Variants in RELT observed in about 807,000 individuals in gnomAD.
RELT encodes RELT TNF receptor.
A neutral mutation model predicts 51.1 loss-of-function variants in RELT; 37 were observed. The ratio of observed to expected loss-of-function variants is 0.72; its 90% CI spans 0.56 to 0.95. The LOEUF (loss-of-function observed/expected upper bound fraction) is 0.95. RELT is among the 40% of genes least tolerant of loss of function. The pLI is 0.00. For synonymous variants in RELT, 241 were observed against 235.7 expected (o/e 1.02, Z -0.21); for missense variants, 535 against 572.6 (o/e 0.93, Z 0.67).
At position 73,395,192 on chromosome 11, in the gene RELT, A is replaced by C. The variant is rs11544311; in HGVS notation, c.1152A>C (p.Pro384=). 0.097 allele frequency: 156,996 copies of C among 1,612,834 alleles called. 8,752 individuals are homozygous for C. The highest frequency in any genetic ancestry group is 0.11 in the Non-Finnish European group (128,807 of 1,179,608). ...CGTGGGGTGATCTCCCTGACTCCCC[A>C]CAGCCTGGCCTCCCCCCTGAGCAGC... The part of the protein sequence containing the change: ...GPSWGDLPDS[P]QPGLPPEQQA... The change falls in exon 10 of 11, where the codon CCA becomes CCC. Residue 384 remains proline, a synonymous_variant. Transcript: ENST00000064780.
intron 1 of RELT, among the ~76,000 whole-genome samples, chr11:73,378,496 G>A (rs1031810340): frequency 6.6e-6 from 1 of 152,204 alleles, no homozygotes; most frequent in African/African-American, 2.4e-5. Context: ...AGGTCATACA[G>A]AGTCAGGACA....
At chr11:73,377,469 G>A (rs1408358206) in intron 1 of RELT, among the ~76,000 whole-genome samples, 1 of 152,098 alleles carries the variant, frequency 6.6e-6, no homozygotes, top group Non-Finnish European at 1.5e-5. Context: ...TGGACCCTGA[G>A]GGATAGGCCC....
At chr11:73,391,602 G>A (rs57032184) in intron 5 of RELT, among the ~76,000 whole-genome samples, 242 of 152,238 alleles carry the variant, frequency 1.6e-3, no homozygotes, top group African/African-American at 5.7e-3. Context: ...AGACCAGCTT[G>A]GGCAACATAG....
At chr11:73,386,984 C>T (rs1360084292) in intron 1 of RELT, among the ~76,000 whole-genome samples, 10 of 147,524 alleles carry the variant, frequency 6.8e-5, no homozygotes, top group South Asian at 2.1e-4. Flanking sequence ...CTTGCTCTGT[C>T]GCCCAGGCTG....
At position 73,394,623 on chromosome 11, in the gene RELT, C is replaced by T; in HGVS notation, c.935C>T (p.Ala312Val). 6.2e-7 allele frequency: 1 copy of T among 1,613,406 alleles called. No homozygotes were observed. Among genetic ancestry groups the T allele is most frequent in the Non-Finnish European group, 8.5e-7 (1 of 1,180,006 alleles). The change falls in exon 9 of 11, where the codon GCT becomes GTT. Residue 312 changes from alanine to valine, a missense_variant. Transcript: ENST00000064780. The surrounding 1 kb of genome is among the most constrained non-coding windows in gnomAD (Gnocchi z 4.9). ...CCCGAGGTGCTGCTGTCCCCTGAGGCTGTAGCCGCCACTACTCCTGTTCCC... is the reference window on the plus strand; with the variant it reads ...CCCGAGGTGCTGCTGTCCCCTGAGGTTGTAGCCGCCACTACTCCTGTTCCC... ...KWPEVLLSPE[A>V]VAATTPVPSL...
chr11:73,380,384 C>T (rs1022466892), intron 1 of RELT, among the ~76,000 whole-genome samples: 1 of 152,184 alleles, frequency 6.6e-6, no homozygotes, highest in Non-Finnish European at 1.5e-5. Flanking sequence ...TAGTGCTTGT[C>T]ATGGTCCTCG....
intron 1 of RELT, among the ~76,000 whole-genome samples, chr11:73,383,013 C>T (rs1339781709): frequency 6.6e-6 from 1 of 152,190 alleles, no homozygotes; most frequent in Admixed American, 6.5e-5. Flanking sequence ...ACCTGAGCCA[C>T]TGAAACCCAG....
chr11:73,385,463 C>T (rs987355045), intron 1 of RELT, among the ~76,000 whole-genome samples: 1 of 152,116 alleles, frequency 6.6e-6, no homozygotes, highest in Non-Finnish European at 1.5e-5. Context: ...TCTCATTGTT[C>T]GGGCATTTTT....
chr11:73,395,878 C>T lies in RELT; in HGVS notation c.*387C>T, dbSNP rs1052745102. ...CCCATTCCTTGGTAATTAGCCACAC[C>T]CTTGCCTCTGTACAGGGCCCTAGAG... On this transcript the variant is annotated 3_prime_UTR_variant, in exon 11 of 11. Transcript: ENST00000064780. The T allele has an allele frequency of 6.1e-6, 2 of 329,974 alleles. No homozygotes were observed. The highest frequency in any genetic ancestry group is 4.4e-5 in the Admixed American group (1 of 22,866). The allele number at this position is 329,974 out of a possible 1,614,324, so 20.4% of individuals were successfully genotyped here. A position where few individuals can be genotyped will look rare whatever the true frequency, so the allele number is the denominator to read the frequency against.
At position 73,394,617 on chromosome 11, in the gene RELT, C is replaced by G. The variant is rs1565224497; in HGVS notation, c.929C>G (p.Pro310Arg). The G allele has an allele frequency of 6.2e-7, 1 of 1,613,448 alleles. No individual in the cohort carries two copies. Among genetic ancestry groups the G allele is most frequent in the Non-Finnish European group, 8.5e-7 (1 of 1,180,016 alleles). ...AAGTGGCCCGAGGTGCTGCTGTCCCCTGAGGCTGTAGCCGCCACTACTCCT... is the reference window on the plus strand; with the variant it reads ...AAGTGGCCCGAGGTGCTGCTGTCCCGTGAGGCTGTAGCCGCCACTACTCCT... The part of the protein sequence containing the change: ...QKKWPEVLLS[P>R]EAVAATTPVP... Residue 310 changes from proline to arginine, a missense_variant, in exon 9 of 11, where the codon CCT (proline) becomes CGT (arginine). Coordinates refer to ENST00000064780, the MANE Select transcript of RELT (RefSeq NM_152222.2). The surrounding 1 kb of genome is among the most constrained non-coding windows in gnomAD (Gnocchi z 4.9).
chr11:73,381,355 A>G (rs1866047613), intron 1 of RELT, among the ~76,000 whole-genome samples: 1 of 152,124 alleles, frequency 6.6e-6, no homozygotes, highest in African/African-American at 2.4e-5. Context: ...AGCCCAGTGC[A>G]TGCACTGTGA....
chr11:73,392,399 C>T lies in RELT; in HGVS notation c.556C>T (p.Leu186Phe), dbSNP rs545396306. 49 of 1,613,782 alleles carry T rather than the reference C, an allele frequency of 3.0e-5. No individual in the cohort carries two copies. The South Asian group carries it at 4.9e-4, about 16-fold the overall frequency. ...GLLGILVCNL[L>F]KRKGYHCTAH... Reference sequence around the variant, plus strand: ...GTTGGGCATCCTGGTGTGCAACCTCCTCAAGCGGAAGGGCTACCACTGCAC... The same window carrying T: ...GTTGGGCATCCTGGTGTGCAACCTCTTCAAGCGGAAGGGCTACCACTGCAC... Residue 186 changes from leucine (L) to phenylalanine (F), a missense_variant, in exon 6 of 11, where the codon CTC becomes TTC. Transcript: ENST00000064780.
intron 2 of RELT, 83 bp downstream of exon 2, chr11:73,389,264 CG>C: frequency 1.0e-6 from 1 of 966,562 alleles, no homozygotes. Context: ...CAGACACTCC[CG>C]GGGAACCCCC....
At chr11:73,393,731 A>G (rs560903345) in intron 6 of RELT, 106 bp from the exon 7 acceptor site, 1 of 1,558,788 alleles carries the variant, frequency 6.4e-7, no homozygotes, top group East Asian at 2.2e-5. Flanking sequence ...GCACATGCTC[A>G]GGGCCCTTAA....
chr11:73,391,305 GTGTTCATGTGGGGGCAGTGGGGT>G, intron 5 of RELT, 82 bp downstream of exon 5: 1 of 1,290,926 alleles, frequency 7.7e-7, no homozygotes, highest in Non-Finnish European at 1.1e-6. Context: ...AGCCTCTGCA[GTGTTCATGTGGGGGCAGTGGGGT>G]CCTTCTTCCA....
Position 73,391,140 on chromosome 11 carries a change from G to A in RELT, c.288-4G>A, listed in dbSNP as rs113407255. 6.7e-5 allele frequency: 108 copies of A among 1,612,958 alleles called. 2 individuals carry two copies. In the African/African-American group the frequency reaches 8.5e-4, roughly 13 times the overall value. On this transcript the variant is annotated splice_polypyrimidine_tract_variant and splice_region_variant and intron_variant, in intron 4 of 10. Transcript: ENST00000064780. ...GGCCTCAGTGGTATCTTCCCTCCTC[G>A]CAGGTGGTTTGGGCCTTGGGGGGTT...
chr11:73,383,857 C>T (rs756292587), intron 1 of RELT, among the ~76,000 whole-genome samples: 24 of 152,244 alleles, frequency 1.6e-4, no homozygotes, highest in Non-Finnish European at 3.2e-4. Flanking sequence ...TCAGCGTGGT[C>T]GCTGCCCTAC....
rs748248587 is a variant in RELT, at chr11:73,393,684, C to T, written c.626-153C>T. 1.1e-5 allele frequency: 17 copies of T among 1,588,854 alleles called. No individual in the cohort carries two copies. In the East Asian group the frequency reaches 3.8e-4, roughly 36 times the overall value. On this transcript the variant is annotated intron_variant, in intron 6 of 10. Coordinates refer to ENST00000064780, the MANE Select transcript of RELT (RefSeq NM_152222.2). The stretch of plus-strand genomic sequence containing the variant: ...TATGGGCTTCTCTGAGCCTGGATCC[C>T]ACATTTGCAGGGCTCTGGGAGGCTT...
At position 73,379,043 on chromosome 11, in the gene RELT, G is replaced by T. The variant is rs187341704; in HGVS notation, c.-26+2544G>T. 2.1e-3 allele frequency among the ~76,000 whole-genome samples: 313 copies of T among 152,264 alleles called. 1 individual carries two copies. The highest frequency in any genetic ancestry group is 7.2e-3 in the African/African-American group (300 of 41,526). ...ACTCTCTCTGGGCCTCGGTCTCCCT[G>T]TTCTTCCCAGAGACCCCTTTTGGCT... On this transcript the variant is annotated intron_variant, in intron 1 of 10. Coordinates refer to ENST00000064780, the MANE Select transcript of RELT (RefSeq NM_152222.2).
Sources: gnomAD v4.1 joint callset for allele counts (sites outside exome capture counted in the v4.1 genomes callset) on GRCh38, gnomAD v4.1.1 for gene constraint, Gnocchi (gnomAD v3.1) non-coding constraint, MANE v1.5 for transcripts, NCBI Gene and HGNC (gene_info 2026-07-23, HGNC 2026-07-21) for gene names.